The following MUC5B variants were observed in gnomAD, a reference collection of about 807,000 sequenced individuals.
The protein encoded by MUC5B is mucin-5B.
A neutral mutation model predicts 376.9 loss-of-function variants in MUC5B; 116 were observed. The ratio of observed to expected loss-of-function variants is 0.31; its 90% CI spans 0.26 to 0.36. The LOEUF (loss-of-function observed/expected upper bound fraction) is 0.36. MUC5B is among the 10% of genes least tolerant of loss of function. The pLI, the probability that MUC5B is intolerant of heterozygous loss-of-function variation, is 1.00. For missense variants in MUC5B, 7,165 were observed against 7,769.9 expected, an observed-to-expected ratio of 0.92 and a Z score of 2.93; for synonymous variants, 3,517 against 3,390.9, an observed-to-expected ratio of 1.04 and a Z score of -1.29.
Position 1,232,462 on chromosome 11 carries a change from G to A in MUC5B, c.1856G>A (p.Arg619Gln), listed in dbSNP as rs760954411. Residue 619 changes from arginine to glutamine, a missense_variant, in exon 16 of 49, where the codon CGG becomes CAG. Physicochemically the swap from Arg to Gln is conservative, Grantham distance 43. Coordinates refer to ENST00000529681, the MANE Select transcript of MUC5B (RefSeq NM_002458.3). ...GTCTTCCCCACAGAGAACTACGCCC[G>A]GCACTGGTGCTCGCGCCTGACCGAT... ...SLSVENENYA[R>Q]HWCSRLTDPN... 2.7e-5 allele frequency: 44 copies of A among 1,607,370 alleles called. No homozygotes were observed. The highest frequency in any genetic ancestry group is 1.6e-4 in the Middle Eastern group (1 of 6,076).
chr11:1,223,144 C>G lies in MUC5B; in HGVS notation c.21C>G (p.Cys7Trp), dbSNP rs951182802. 6 of 706,964 alleles carry G rather than the reference C, an allele frequency of 8.5e-6. No homozygotes were observed. In the African/African-American group the frequency reaches 1.0e-4, roughly 12 times the overall value. 43.8% of individuals were successfully genotyped at this position (706,964 alleles called of 1,614,324 possible). MGAPSA[C>W]RTLVLALAAM... ...CCAGGATGGGTGCCCCGAGCGCGTG[C>G]CGGACGCTGGTGTTGGCTCTGGCGG... The change falls in exon 1 of 49, where the codon TGC (cysteine) becomes TGG (tryptophan). Residue 7 changes from cysteine (C) to tryptophan (W), a missense_variant. Physicochemically the swap from Cys to Trp is radical, Grantham distance 215. This residue lies in a region of MUC5B where 640 missense variants were observed against 733.0 expected (regional missense o/e 0.87). Coordinates refer to ENST00000529681, the MANE Select transcript of MUC5B (RefSeq NM_002458.3).
rs1418260346 is a variant in MUC5B at position 1,250,285 on chromosome 11, G to A, written c.13405G>A (p.Ala4469Thr). 5.6e-6 allele frequency: 9 copies of A among 1,610,980 alleles called. No homozygotes were observed. Among genetic ancestry groups the A allele is most frequent in the South Asian group, 3.3e-5 (3 of 90,920 alleles). The change falls in exon 31 of 49, where the codon GCC becomes ACC. Residue 4469 changes from alanine to threonine, a missense_variant. Physicochemically the swap from Ala to Thr is moderately conservative, Grantham distance 58 (BLOSUM62 0). This residue lies in a region of MUC5B where 431 missense variants were observed against 390.4 expected (regional missense o/e 1.10). Coordinates refer to ENST00000529681, the MANE Select transcript of MUC5B (RefSeq NM_002458.3). ...GGTGCCCACCGGATCCACGGCCACC[G>A]CCTCCTCCACCCAGGCAACTGCTGG... ...VTVPTGSTAT[A>T]SSTQATAGTP... is the part of the protein sequence containing the mutation.
At chr11:1,226,410 C>A in intron 3 of MUC5B, 134 bp downstream of exon 3, 1 of 1,311,796 alleles carries the variant, frequency 7.6e-7, no homozygotes, top group Non-Finnish European at 1.1e-6. Context: ...TGTGGGCGGT[C>A]TCCTGGTCAC....
Position 1,261,638 on chromosome 11 carries a change from T to G in MUC5B, c.*30T>G. 1.9e-6 allele frequency: 3 copies of G among 1,565,056 alleles called. No individual in the cohort carries two copies. Among genetic ancestry groups the G allele is most frequent in the Non-Finnish European group, 2.6e-6 (3 of 1,152,068 alleles). ...GTTCTGCCTCCATCCCCATGCTCTGTCCACCTGGAGCCAGGATGTGCATTG... is the reference window on the plus strand; with the variant it reads ...GTTCTGCCTCCATCCCCATGCTCTGGCCACCTGGAGCCAGGATGTGCATTG... On this transcript the variant is annotated 3_prime_UTR_variant, in exon 49 of 49. Transcript: ENST00000529681.
Position 1,227,080 on chromosome 11 carries a change from G to T in MUC5B, c.511G>T (p.Asp171Tyr). The T allele has an allele frequency of 6.2e-7, 1 of 1,612,550 alleles. No homozygotes were observed. Among genetic ancestry groups the T allele is most frequent in the Non-Finnish European group, 8.5e-7 (1 of 1,179,746 alleles). Reference sequence around the variant, plus strand: ...TGGCCTCCTGGTGGAGCAGAGCGGGGACTACATCAAGGTCAGCATCCGGCT... The same window carrying T: ...TGGCCTCCTGGTGGAGCAGAGCGGGTACTACATCAAGGTCAGCATCCGGCT... The part of the protein sequence containing the change: ...RTGLLVEQSG[D>Y]YIKVSIRLVL... Residue 171 changes from aspartate to tyrosine, a missense_variant, in exon 5 of 49, where the codon GAC (aspartate) becomes TAC (tyrosine). Coordinates refer to ENST00000529681, the MANE Select transcript of MUC5B (RefSeq NM_002458.3).
At chr11:1,236,339 C>T in intron 23 of MUC5B, 47 bp from the exon 24 acceptor site, 6 of 1,564,540 alleles carry the variant, frequency 3.8e-6, no homozygotes, top group Non-Finnish European at 5.2e-6. Context: ...AGGCCCCTCC[C>T]TGGGGGCCAC....
intron 25 of MUC5B, among the ~76,000 whole-genome samples, chr11:1,238,135 G>T (rs1477787757): frequency 6.6e-6 from 1 of 152,244 alleles, no homozygotes; most frequent in African/African-American, 2.4e-5. Context: ...CCTGGGAGGG[G>T]TGTGGGCTGC....
chr11:1,239,057 G>C (rs1341655069), intron 26 of MUC5B, 30 bp downstream of exon 26: 1 of 1,563,628 alleles, frequency 6.4e-7, no homozygotes, highest in East Asian at 2.4e-5. Context: ...TGGTGCTGAA[G>C]GGTGGAGCTG....
rs749484988 is a variant in MUC5B, at chr11:1,247,615, G to A, written c.10735G>A (p.Glu3579Lys). The A allele has an allele frequency of 1.2e-6, 2 of 1,610,228 alleles. No homozygotes were observed. Among genetic ancestry groups the A allele is most frequent in the Admixed American group, 1.7e-5 (1 of 59,934 alleles). The change falls in exon 31 of 49, where the codon GAG becomes AAG. Residue 3579 changes from glutamate to lysine, a missense_variant. By Grantham distance (56) the Glu-to-Lys change is moderately conservative. This residue lies in a region of MUC5B where 81 missense variants were observed against 154.5 expected (regional missense o/e 0.52). Coordinates refer to ENST00000529681, the MANE Select transcript of MUC5B (RefSeq NM_002458.3). ...CTGTGAGCCCCAGTGTGCCTGGTCA[G>A]AGTGGCTGGACTACAGCTACCCCAT... ...TGCEPQCAWSEWLDYSYPMPG... is the reference protein window; with the variant it reads ...TGCEPQCAWSKWLDYSYPMPG...
In MUC5B at chr11:1,247,818, C is replaced by T; in HGVS notation, c.10938C>T (p.Asn3646=). The T allele has an allele frequency of 6.2e-7, 1 of 1,607,746 alleles. No homozygotes were observed. The highest frequency in any genetic ancestry group is 2.3e-4 in the Middle Eastern group (1 of 4,438). ...CSLDFGLVCR[N]REQVGKFKMC... ...TGGACTTTGGCCTGGTCTGCAGGAACCGTGAGCAGGTGGGGAAGTTCAAGA... is the reference window on the plus strand; with the variant it reads ...TGGACTTTGGCCTGGTCTGCAGGAATCGTGAGCAGGTGGGGAAGTTCAAGA... Residue 3646 remains asparagine (N), a synonymous_variant, in exon 31 of 49, where the codon AAC becomes AAT. Coordinates refer to ENST00000529681, the MANE Select transcript of MUC5B (RefSeq NM_002458.3).
intron 46 of MUC5B, 122 bp downstream of exon 46, chr11:1,260,207 C>A: frequency 7.1e-7 from 1 of 1,400,924 alleles, no homozygotes; most frequent in Admixed American, 2.2e-5. Context: ...CCCACCCCTG[C>A]CTGGGAAGCC....
At chr11:1,260,115 G>A (rs1862958309) in intron 46 of MUC5B, 30 bp downstream of exon 46, 2 of 1,608,946 alleles carry the variant, frequency 1.2e-6, no homozygotes, top group South Asian at 1.1e-5. Flanking sequence ...CCCCTGCCTG[G>A]GAGTCCTTGT....
At position 1,227,372 on chromosome 11, in the gene MUC5B, C is replaced by T. The variant is rs780353593; in HGVS notation, c.641C>T (p.Pro214Leu). ...CGLCGDFNGL[P>L]AFNEFYAHNA... Reference sequence around the variant, plus strand: ...CTGTGTGGGGACTTCAACGGCCTCCCGGCCTTCAACGAGTTCTATGCCCAC... The same window carrying T: ...CTGTGTGGGGACTTCAACGGCCTCCTGGCCTTCAACGAGTTCTATGCCCAC... The change falls in exon 6 of 49, where the codon CCG becomes CTG. Residue 214 changes from proline to leucine, a missense_variant. This residue lies in a region of MUC5B where 640 missense variants were observed against 733.0 expected (regional missense o/e 0.87). Transcript: ENST00000529681. 30 of 1,611,988 alleles carry T rather than the reference C, an allele frequency of 1.9e-5. No individual in the cohort carries two copies. Among genetic ancestry groups the T allele is most frequent in the Middle Eastern group, 1.7e-4 (1 of 6,056 alleles).
intron 30 of MUC5B, 119 bp downstream of exon 30, chr11:1,240,494 G>C (rs1213067335): frequency 1.0e-6 from 1 of 993,724 alleles, no homozygotes; most frequent in African/African-American, 1.6e-5. Flanking sequence ...TGACCTTCCG[G>C]GCTCTGTCTA....
At position 1,233,210 on chromosome 11, in the gene MUC5B, T is replaced by C; in HGVS notation, c.2263T>C (p.Tyr755His). Reference sequence around the variant, plus strand: ...TGTGCCCGCCCAGGAGTGCCCCTGCTACGCTCACGGCACCGTGCTGGCTCC... The same window carrying C: ...TGTGCCCGCCCAGGAGTGCCCCTGCCACGCTCACGGCACCGTGCTGGCTCC... ...ACVPAQECPC[Y>H]AHGTVLAPGE... is the part of the protein sequence containing the mutation. Residue 755 changes from tyrosine to histidine, a missense_variant, in exon 18 of 49, where the codon TAC becomes CAC. Around this residue, in one of 31 missense-constraint regions of MUC5B, gnomAD observed 530 missense variants for 604.0 expected, o/e 0.88. Transcript: ENST00000529681. 6.2e-7 allele frequency: 1 copy of C among 1,600,488 alleles called. No homozygotes were observed. Among genetic ancestry groups the C allele is most frequent in the African/African-American group, 1.3e-5 (1 of 74,934 alleles).
intron 7 of MUC5B, 49 bp downstream of exon 7, chr11:1,227,830 C>A: frequency 2.9e-6 from 2 of 681,094 alleles, no homozygotes; most frequent in South Asian, 3.0e-5. Flanking sequence ...GCCTCCAGGT[C>A]CAGGGGGAGC....
intron 30 of MUC5B, 118 bp downstream of exon 30, chr11:1,240,493 G>A (rs781100346): frequency 1.6e-4 from 156 of 997,696 alleles, no homozygotes; most frequent in Admixed American, 4.9e-4. Flanking sequence ...CTGACCTTCC[G>A]GGCTCTGTCT....
rs1861795095 is a variant in MUC5B at position 1,223,170 on chromosome 11, C to T, written c.47C>T (p.Ala16Val). ...CGGACGCTGGTGTTGGCTCTGGCGG[C>T]CATGCTCGTGGTGCCGCAGGCAGGT... ...ACRTLVLALA[A>V]MLVVPQAETQ... Residue 16 changes from alanine to valine, a missense_variant, in exon 1 of 49, where the codon GCC becomes GTC. This residue lies in a region of MUC5B where 640 missense variants were observed against 733.0 expected (regional missense o/e 0.87). Transcript: ENST00000529681. 1.4e-6 allele frequency: 1 copy of T among 710,732 alleles called. No homozygotes were observed. The highest frequency in any genetic ancestry group is 2.6e-6 in the Non-Finnish European group (1 of 384,682). 44.0% of individuals were successfully genotyped at this position (710,732 alleles called of 1,614,324 possible). A position where few individuals can be genotyped will look rare whatever the true frequency, so the allele number is the denominator to read the frequency against.
chr11:1,236,861 T>C (rs1862168913), intron 24 of MUC5B, 64 bp from the exon 25 acceptor site: 3 of 1,399,098 alleles, frequency 2.1e-6, no homozygotes, highest in African/African-American at 1.5e-5. Context: ...GTGGGCTCTG[T>C]GCTGCCTCCC....
Sources: allele counts gnomAD v4.1 joint callset (sites outside exome capture counted in the v4.1 genomes callset), GRCh38; gene constraint gnomAD v4.1.1; regional missense constraint gnomAD v4.1.1; transcripts MANE v1.5; gene names NCBI Gene and HGNC (gene_info 2026-07-23, HGNC 2026-07-21).